SLCO5A1: variants seen among roughly 807,000 people sequenced by gnomAD.
SLCO5A1 encodes organic anion transporter polypeptide-related protein 4.
A neutral mutation model predicts 65.1 loss-of-function variants in SLCO5A1; 39 were observed. The ratio of observed to expected loss-of-function variants is 0.60; its 90% CI spans 0.46 to 0.78. The LOEUF is 0.78. SLCO5A1 is among the 30% of genes least tolerant of loss of function. The pLI, the probability that SLCO5A1 is intolerant of heterozygous loss-of-function variation, is 0.00. For missense variants in SLCO5A1, 1,029 were observed against 1,069.4 expected, an observed-to-expected ratio of 0.96 and a Z score of 0.53; for synonymous variants, 438 against 415.7, an observed-to-expected ratio of 1.05 and a Z score of -0.65.
chr8:69,698,181 C>T (rs908422975), intron 6 of SLCO5A1, among the ~76,000 whole-genome samples: 8 of 152,152 alleles, frequency 5.3e-5, no homozygotes, highest in Admixed American at 1.3e-4. Flanking sequence ...GCAAAGGGAA[C>T]GGTCTCATTC....
At chr8:69,786,581 C>A (rs984488721) in intron 2 of SLCO5A1, among the ~76,000 whole-genome samples, 3 of 152,082 alleles carry the variant, frequency 2.0e-5, no homozygotes, top group Non-Finnish European at 2.9e-5. Flanking sequence ...TAGTAAGAAC[C>A]CTTAGAAACA....
At chr8:69,755,819 T>C (rs1817517820) in intron 3 of SLCO5A1, among the ~76,000 whole-genome samples, 178 bp from the exon 4 acceptor site, 1 of 152,334 alleles carries the variant, frequency 6.6e-6, no homozygotes, top group Middle Eastern at 3.4e-3. Context: ...TTCTGTGATA[T>C]AAATGAGAAA....
chr8:69,710,984 G>T (rs1443363431), intron 5 of SLCO5A1, among the ~76,000 whole-genome samples: 2 of 148,320 alleles, frequency 1.3e-5, no homozygotes, highest in Non-Finnish European at 3.0e-5. Flanking sequence ...AGCAGGGATG[G>T]GGTCGGACAG....
intron 6 of SLCO5A1, among the ~76,000 whole-genome samples, chr8:69,690,054 G>A (rs923021139): frequency 2.2e-5 from 2 of 89,336 alleles, no homozygotes; most frequent in Non-Finnish European, 6.0e-5. Flanking sequence ...TGCGGGTACG[G>A]GGGGGCGCCA....
chr8:69,823,116 T>C (rs1454604280), intron 2 of SLCO5A1, among the ~76,000 whole-genome samples: 5 of 152,230 alleles, frequency 3.3e-5, no homozygotes, highest in African/African-American at 1.2e-4. Flanking sequence ...ATTACAAATG[T>C]CTTGCCTCCA....
At chr8:69,786,247 T>C (rs1452462151) in intron 2 of SLCO5A1, among the ~76,000 whole-genome samples, 1 of 152,208 alleles carries the variant, frequency 6.6e-6, no homozygotes, top group Non-Finnish European at 1.5e-5. Context: ...GCATTTCATA[T>C]CAGGGATGGC....
At chr8:69,773,017 G>A (rs1428947909) in intron 2 of SLCO5A1, 1 of 953,872 alleles carries the variant, frequency 1.0e-6, no homozygotes, top group Non-Finnish European at 1.2e-6. Context: ...TGGGGAGGGA[G>A]GACAGAGAAG....
intron 6 of SLCO5A1, among the ~76,000 whole-genome samples, chr8:69,694,133 T>A (rs1554607460): frequency 1.3e-5 from 2 of 152,206 alleles, no homozygotes; most frequent in Non-Finnish European, 1.5e-5. Context: ...GAAGGTTGTG[T>A]GTGCATGCAG....
At chr8:69,818,626 G>A (rs558360932) in intron 2 of SLCO5A1, among the ~76,000 whole-genome samples, 98 of 152,302 alleles carry the variant, frequency 6.4e-4, no homozygotes, top group Non-Finnish European at 1.2e-3. Flanking sequence ...AAATCAATAT[G>A]CACCCACTGT....
At chr8:69,750,786 C>T (rs1817262518) in intron 4 of SLCO5A1, among the ~76,000 whole-genome samples, 1 of 152,180 alleles carries the variant, frequency 6.6e-6, no homozygotes, top group African/African-American at 2.4e-5. Flanking sequence ...CTTCTTATGG[C>T]CTTTAATACA....
At position 69,746,288 on chromosome 8, in the gene SLCO5A1, T is replaced by C. The variant is rs1458374074; in HGVS notation, c.1259-8084A>G. On this transcript the variant is annotated intron_variant, in intron 4 of 9. Transcript: ENST00000260126. ...TATTGCCAGGCATTTATCTCAATAC[T>C]TAAATTATTGGGCTCCATTTGGAAA... is the stretch of plus-strand genomic sequence containing the variant. 8.5e-5 allele frequency among the ~76,000 whole-genome samples: 13 copies of C among 152,162 alleles called. 1 individual carries two copies. The East Asian group carries it at 2.5e-3, about 29-fold the overall frequency.
chr8:69,698,812 T>G (rs766386173), intron 6 of SLCO5A1, among the ~76,000 whole-genome samples: 7 of 152,228 alleles, frequency 4.6e-5, no homozygotes, highest in Non-Finnish European at 8.8e-5. Flanking sequence ...TCTTCCCATG[T>G]TCCCTTTCCA....
intron 4 of SLCO5A1, among the ~76,000 whole-genome samples, chr8:69,745,667 C>G (rs767565554): frequency 6.6e-6 from 1 of 152,056 alleles, no homozygotes; most frequent in Non-Finnish European, 1.5e-5. Context: ...GTAGCCCAGG[C>G]AGTTTATTTT....
chr8:69,747,211 G>A (rs1001345427), intron 4 of SLCO5A1, among the ~76,000 whole-genome samples: 5 of 152,060 alleles, frequency 3.3e-5, no homozygotes, highest in Middle Eastern at 3.2e-3. Flanking sequence ...TTCTACCAGC[G>A]GTATTAACCT....
chr8:69,688,125 T>C (rs985425687), intron 6 of SLCO5A1, among the ~76,000 whole-genome samples: 4 of 152,060 alleles, frequency 2.6e-5, no homozygotes, highest in Non-Finnish European at 5.9e-5. Context: ...AAAACAAACA[T>C]TGTGTCTCCA....
chr8:69,759,094 T>C (rs1020559542), intron 3 of SLCO5A1, among the ~76,000 whole-genome samples: 1 of 152,218 alleles, frequency 6.6e-6, no homozygotes, highest in Non-Finnish European at 1.5e-5. Context: ...GTATAATGCT[T>C]GACACAAAAT....
intron 2 of SLCO5A1, among the ~76,000 whole-genome samples, chr8:69,786,406 G>A (rs1209262503): frequency 6.6e-6 from 1 of 152,110 alleles, no homozygotes; most frequent in African/African-American, 2.4e-5. Context: ...CAAATATGCT[G>A]AGGGACAAAA....
intron 2 of SLCO5A1, among the ~76,000 whole-genome samples, chr8:69,786,411 A>G (rs552748187): frequency 5.0e-4 from 76 of 152,316 alleles, no homozygotes; most frequent in African/African-American, 1.8e-3. Context: ...ATGCTGAGGG[A>G]CAAAAAAACT....
intron 9 of SLCO5A1, among the ~76,000 whole-genome samples, chr8:69,673,902 A>G (rs1241692162): frequency 6.6e-6 from 1 of 152,226 alleles, no homozygotes; most frequent in Non-Finnish European, 1.5e-5. Context: ...TATATGAAGG[A>G]ACTTTATTAT....
Sources: allele counts gnomAD v4.1 joint callset (sites outside exome capture counted in the v4.1 genomes callset), GRCh38; gene constraint gnomAD v4.1.1; transcripts MANE v1.5; gene names NCBI Gene and HGNC (gene_info 2026-07-23, HGNC 2026-07-21).